The following HMGCLL1 variants were observed in gnomAD, a reference collection of about 807,000 sequenced individuals.
HMGCLL1 encodes 3-hydroxymethyl-3-methylglutaryl-CoA lyase, cytoplasmic.
A neutral mutation model predicts 39.1 loss-of-function variants in HMGCLL1; 36 were observed. The ratio of observed to expected loss-of-function variants is 0.92; its 90% CI spans 0.71 to 1.22. The LOEUF is 1.22. Ranked by LOEUF, HMGCLL1 falls within the 50% of genes most tolerant of loss-of-function variation. The pLI is 0.00. For synonymous variants in HMGCLL1, 149 were observed against 144.0 expected (o/e 1.03, Z -0.25); for missense variants, 451 against 416.5 (o/e 1.08, Z -0.72).
chr6:55,435,759 A>G lies in HMGCLL1; in HGVS notation c.926T>C (p.Val309Ala). Residue 309 changes from valine to alanine, a missense_variant, in exon 9 of 9, where the codon GTG becomes GCG. Coordinates refer to ENST00000274901, the MANE Select transcript of HMGCLL1 (RefSeq NM_001042406.2). ...MLNGLGLNTG[V>A]NLYKVMEAGD... ...AGCTTCCATCACTTTGTATAGATTC[A>G]CACCCTGGTGACGAAATGAAGGAAT... 6.4e-7 allele frequency: 1 copy of G among 1,556,858 alleles called. No homozygotes were observed. Among genetic ancestry groups the G allele is most frequent in the Non-Finnish European group, 8.8e-7 (1 of 1,140,986 alleles).
intron 5 of HMGCLL1, among the ~76,000 whole-genome samples, chr6:55,502,713 GTT>G (rs77793967): frequency 0.015 from 2,154 of 147,546 alleles, 51 homozygotes; most frequent in African/African-American, 0.05. Context: ...TAAAGATCTG[GTT>G]TTTTTTTTTT....
At chr6:55,591,844 A>G in the HMGCLL1 span, among the ~76,000 whole-genome samples, 1 of 151,960 alleles carries the variant, frequency 6.6e-6, no homozygotes, top group Non-Finnish European at 1.5e-5. Context: ...TTTTAGTTGA[A>G]TATTTTAAGG....
chr6:55,652,901 C>T, the HMGCLL1 span, among the ~76,000 whole-genome samples: 21 of 152,108 alleles, frequency 1.4e-4, no homozygotes, highest in Non-Finnish European at 4.4e-5. Flanking sequence ...TCTTAAATAG[C>T]TTCTAATTTA....
chr6:55,451,975 G>A (rs1243531242), intron 7 of HMGCLL1, among the ~76,000 whole-genome samples: 1 of 152,078 alleles, frequency 6.6e-6, no homozygotes, highest in Non-Finnish European at 1.5e-5. Flanking sequence ...TCAGCATATG[G>A]CATAATACCT....
chr6:55,439,329 G>C, intron 8 of HMGCLL1, 105 bp downstream of exon 8: 1 of 1,118,314 alleles, frequency 8.9e-7, no homozygotes, highest in Admixed American at 2.2e-5. Flanking sequence ...AATAGCAAAA[G>C]TGTAGTAAAA....
At chr6:55,528,936 G>C (rs1256202652) in intron 3 of HMGCLL1, among the ~76,000 whole-genome samples, 1 of 151,948 alleles carries the variant, frequency 6.6e-6, no homozygotes, top group Admixed American at 6.6e-5. Context: ...ATGTCTACAA[G>C]TATTCATTTT....
At chr6:55,597,055 A>C in the HMGCLL1 span, among the ~76,000 whole-genome samples, 1 of 123,112 alleles carries the variant, frequency 8.1e-6, no homozygotes, top group South Asian at 2.8e-4. Context: ...TGTGATCAGC[A>C]ACCAAATATG....
At chr6:55,478,649 T>A (rs1474488439) in intron 7 of HMGCLL1, among the ~76,000 whole-genome samples, 1 of 151,412 alleles carries the variant, frequency 6.6e-6, no homozygotes, top group Non-Finnish European at 1.5e-5. Flanking sequence ...GTCATGTAGA[T>A]ACCTAAAAAT....
chr6:55,655,366 C>T, the HMGCLL1 span, among the ~76,000 whole-genome samples: 1 of 151,516 alleles, frequency 6.6e-6, no homozygotes, highest in South Asian at 2.1e-4. Context: ...TTATACAGAA[C>T]TCCTTATTTT....
At chr6:55,502,038 G>T in intron 5 of HMGCLL1, among the ~76,000 whole-genome samples, 1 of 151,622 alleles carries the variant, frequency 6.6e-6, no homozygotes, top group East Asian at 1.9e-4. Flanking sequence ...CCTTATTTCT[G>T]GTTCAATGTT....
At chr6:55,460,370 A>C (rs1477887941) in intron 7 of HMGCLL1, among the ~76,000 whole-genome samples, 2 of 152,006 alleles carry the variant, frequency 1.3e-5, no homozygotes, top group African/African-American at 4.8e-5. Flanking sequence ...TTATGTATAC[A>C]ACCAATTTAT....
At chr6:55,477,311 T>G (rs1232577649) in intron 7 of HMGCLL1, among the ~76,000 whole-genome samples, 8 of 17,922 alleles carry the variant, frequency 4.5e-4, no homozygotes, top group African/African-American at 2.8e-3. Flanking sequence ...ATATTATATA[T>G]ATAATATATA....
intron 3 of HMGCLL1, among the ~76,000 whole-genome samples, chr6:55,527,344 C>T (rs1768375787): frequency 6.6e-6 from 1 of 151,948 alleles, no homozygotes; most frequent in Non-Finnish European, 1.5e-5. Context: ...ATTCTGTTCT[C>T]CTGTAAGAGC....
the HMGCLL1 span, among the ~76,000 whole-genome samples, chr6:55,646,389 T>A: frequency 4.0e-5 from 6 of 151,782 alleles, no homozygotes; most frequent in African/African-American, 1.4e-4. Flanking sequence ...TCAAATTTAT[T>A]TATTTATTGT....
chr6:55,646,306 A>G, the HMGCLL1 span, among the ~76,000 whole-genome samples: 1 of 151,586 alleles, frequency 6.6e-6, no homozygotes, highest in Admixed American at 6.6e-5. Context: ...ACTCTGGCTA[A>G]AGTTTTGTCA....
chr6:55,560,724 C>T (rs915544067), intron 1 of HMGCLL1, among the ~76,000 whole-genome samples: 2 of 152,140 alleles, frequency 1.3e-5, no homozygotes, highest in African/African-American at 4.8e-5. Context: ...TTTGGCTGTG[C>T]AGACTGTGAT....
intron 7 of HMGCLL1, among the ~76,000 whole-genome samples, chr6:55,490,386 A>G (rs1227449548): frequency 1.3e-5 from 2 of 152,202 alleles, no homozygotes; most frequent in Admixed American, 1.3e-4. Flanking sequence ...CTGTGATTAA[A>G]AAGAAAATCA....
the HMGCLL1 span, among the ~76,000 whole-genome samples, chr6:55,607,661 G>T: frequency 1.3e-5 from 2 of 152,216 alleles, no homozygotes; most frequent in South Asian, 4.2e-4. Flanking sequence ...CTCCGACTGG[G>T]GTCAGCTGCA....
At chr6:55,579,457 G>C (rs938753160), upstream of HMGCLL1, among the ~76,000 whole-genome samples, 1 of 152,166 alleles carries the variant, frequency 6.6e-6, no homozygotes, top group Non-Finnish European at 1.5e-5. Flanking sequence ...AAAATAAAAG[G>C]AAGGGGCGTG....
Sources: allele counts gnomAD v4.1 joint callset (sites outside exome capture counted in the v4.1 genomes callset), GRCh38; gene constraint gnomAD v4.1.1; transcripts MANE v1.5; gene names NCBI Gene and HGNC (gene_info 2026-07-23, HGNC 2026-07-21).